KCNQ2: variants seen among roughly 807,000 people sequenced by gnomAD.
KCNQ2 encodes potassium voltage-gated channel subfamily KQT member 2.
KCNQ2 carries 14 observed loss-of-function variants against 84.8 expected under a neutral mutation model. The ratio of observed to expected loss-of-function variants is 0.17; its 90% CI spans 0.11 to 0.26. The LOEUF is 0.26. Ranked by LOEUF, KCNQ2 falls within the 10% of genes least tolerant of loss-of-function variation. The probability of loss-of-function intolerance (pLI) is 1.00; values close to 1 mark genes in which losing one functional copy is unlikely to be tolerated. For synonymous variants in KCNQ2, 599 were observed against 554.1 expected, an observed-to-expected ratio of 1.08 and a Z score of -1.14; for missense variants, 788 against 1,254.0, an observed-to-expected ratio of 0.63 and a Z score of 5.61.
intron 1 of KCNQ2, among the ~76,000 whole-genome samples, chr20:63,455,572 G>C (rs1203322621): frequency 6.6e-6 from 1 of 152,146 alleles, no homozygotes; most frequent in Non-Finnish European, 1.5e-5. Flanking sequence ...TGGGACCCAA[G>C]TGCAAAGAGG....
chr20:63,428,967 C>T (rs1382401903), intron 9 of KCNQ2, among the ~76,000 whole-genome samples: 1 of 152,070 alleles, frequency 6.6e-6, no homozygotes, highest in Non-Finnish European at 1.5e-5. Context: ...CCTCATCAGG[C>T]CCAGATGCCT....
At chr20:63,433,504 G>A (rs2080892478) in intron 8 of KCNQ2, 1 of 582,768 alleles carries the variant, frequency 1.7e-6, no homozygotes, top group South Asian at 2.1e-5. Context: ...GCAGCCCGGG[G>A]CGGGGGGCAT....
chr20:63,446,944 C>T lies in KCNQ2; in HGVS notation c.297-107G>A. ...TCCCCACCAGGCCGCAGCAGGGCAC[C>T]AGCATGGCCGCGTCTCCAGAACGCA... is the stretch of plus-strand genomic sequence containing the variant. On this transcript the variant is annotated intron_variant, in intron 1 of 16. Transcript: ENST00000359125. The surrounding 1 kb of genome is among the most constrained non-coding windows in gnomAD (Gnocchi z 5.5). The T allele has an allele frequency of 1.0e-6, 1 of 995,440 alleles. No homozygotes were observed. Among genetic ancestry groups the T allele is most frequent in the East Asian group, 2.4e-5 (1 of 41,636 alleles). The allele number at this position is 995,440 out of a possible 1,614,324, so 61.7% of individuals were successfully genotyped here. A position where few individuals can be genotyped will look rare whatever the true frequency, so the allele number is the denominator to read the frequency against.
rs528228832 is a variant in KCNQ2, at chr20:63,469,477, G to T, written c.296+2691C>A. 2.1e-4 allele frequency among the ~76,000 whole-genome samples: 32 copies of T among 152,336 alleles called. No homozygotes were observed. The South Asian group carries it at 5.8e-3, about 28-fold the overall frequency. On this transcript the variant is annotated intron_variant, in intron 1 of 16. Transcript: ENST00000359125. Reference sequence around the variant, plus strand: ...ACCTCCCCAGAGCGGGGGCAGCAGGGGCCTGGCCTGACGCCCACCAAGCCC... The same window carrying T: ...ACCTCCCCAGAGCGGGGGCAGCAGGTGCCTGGCCTGACGCCCACCAAGCCC...
rs150925464 is a variant in KCNQ2 at position 63,414,822 on chromosome 20, G to A, written c.1525+81C>T. ...AAGAGCAAGCAAAAGCAGCTGCGAC[G>A]CCACAGGGTGGCCACAGTAGCGTGG... On this transcript the variant is annotated intron_variant, in intron 13 of 16. Transcript: ENST00000359125. The surrounding 1 kb of genome is among the most constrained non-coding windows in gnomAD (Gnocchi z 6.6). The A allele has an allele frequency of 2.7e-4, 376 of 1,400,596 alleles. 3 individuals carry two copies. The African/African-American group carries it at 4.5e-3, about 17-fold the overall frequency. The allele number at this position is 1,400,596 out of a possible 1,614,324, so 86.8% of individuals were successfully genotyped here.
chr20:63,468,563 G>A (rs552964870), intron 1 of KCNQ2, among the ~76,000 whole-genome samples: 1 of 152,348 alleles, frequency 6.6e-6, no homozygotes, highest in East Asian at 1.9e-4. Flanking sequence ...GAGGGGAAGC[G>A]CCTGGGCCCC....
At chr20:63,470,014 G>GC (rs2082173654) in intron 1 of KCNQ2, among the ~76,000 whole-genome samples, 1 of 152,236 alleles carries the variant, frequency 6.6e-6, no homozygotes, top group Non-Finnish European at 1.5e-5. Context: ...CAGCAGTGGT[G>GC]TTCACAAAGC....
intron 10 of KCNQ2, among the ~76,000 whole-genome samples, chr20:63,426,850 G>T (rs2080648870): frequency 6.6e-6 from 1 of 152,114 alleles, no homozygotes; most frequent in East Asian, 1.9e-4. Flanking sequence ...GTTTCTTCCA[G>T]CCTGCACCTC....
chr20:63,401,990 C>G lies in KCNQ2; in HGVS notation c.*4654G>C, dbSNP rs538750790. The G allele has an allele frequency of 5.6e-6, 1 of 178,792 alleles. No homozygotes were observed. Among genetic ancestry groups the G allele is most frequent in the African/African-American group, 2.5e-5 (1 of 40,524 alleles). The allele number at this position is 178,792 out of a possible 1,614,324, so 11.1% of individuals were successfully genotyped here. Reference sequence around the variant, plus strand: ...GGTCCAAGCCTCATGAGCCATCTCTCTCCCACCACATCTGCCGGGCACCCT... The same window carrying G: ...GGTCCAAGCCTCATGAGCCATCTCTGTCCCACCACATCTGCCGGGCACCCT... On this transcript the variant is annotated 3_prime_UTR_variant, in exon 17 of 17. Coordinates refer to ENST00000359125, the MANE Select transcript of KCNQ2 (RefSeq NM_172107.4).
chr20:63,436,517 C>T (rs1405111227), intron 7 of KCNQ2, among the ~76,000 whole-genome samples: 6 of 149,386 alleles, frequency 4.0e-5, no homozygotes, highest in Non-Finnish European at 5.9e-5. Context: ...GGCAACAGAG[C>T]GAGACTCCGT....
chr20:63,418,835 C>T (rs12479598), intron 12 of KCNQ2, among the ~76,000 whole-genome samples: 3,837 of 151,960 alleles, frequency 0.025, 136 homozygotes, highest in Admixed American at 0.095. Context: ...GGGTCCGAAG[C>T]ATGCACGGAT....
At chr20:63,432,377 C>T (rs1179899946) in intron 8 of KCNQ2, among the ~76,000 whole-genome samples, 2 of 147,182 alleles carry the variant, frequency 1.4e-5, no homozygotes, top group Non-Finnish European at 3.0e-5. Context: ...GCTCCACCCT[C>T]TGGGAAGGCC....
chr20:63,413,072 T>C (rs1446994753), intron 15 of KCNQ2, among the ~76,000 whole-genome samples: 1 of 152,058 alleles, frequency 6.6e-6, no homozygotes, highest in Non-Finnish European at 1.5e-5. Flanking sequence ...CACACATGTA[T>C]GCACCCCACA....
intron 1 of KCNQ2, among the ~76,000 whole-genome samples, chr20:63,461,230 G>A (rs2081938704): frequency 6.6e-6 from 1 of 152,202 alleles, no homozygotes; most frequent in Admixed American, 6.5e-5. Flanking sequence ...CTGTCCACCC[G>A]CCGCTCAGGC....
rs1226015139 is a variant in KCNQ2 at position 63,442,548 on chromosome 20, A to G, written c.691-17T>C. ...GACCAGCTCCTGAGAGGCAGACGGCACCACCATCATGACCACCATCACCAG... is the reference window on the plus strand; with the variant it reads ...GACCAGCTCCTGAGAGGCAGACGGCGCCACCATCATGACCACCATCACCAG... On this transcript the variant is annotated splice_polypyrimidine_tract_variant and intron_variant, in intron 4 of 16. Transcript: ENST00000359125. 1 of 1,612,542 alleles carries G rather than the reference A, an allele frequency of 6.2e-7. No homozygotes were observed. Among genetic ancestry groups the G allele is most frequent in the Non-Finnish European group, 8.5e-7 (1 of 1,179,740 alleles).
intron 7 of KCNQ2, among the ~76,000 whole-genome samples, chr20:63,435,392 AC>A (rs745908864): frequency 0.084 from 11,624 of 137,588 alleles, 839 homozygotes; most frequent in East Asian, 0.15. Context: ...TATCTCAACA[AC>A]AACAAAAAAA....
At chr20:63,465,431 GCCT>G (rs2082055049) in intron 1 of KCNQ2, among the ~76,000 whole-genome samples, 1 of 152,176 alleles carries the variant, frequency 6.6e-6, no homozygotes, top group Non-Finnish European at 1.5e-5. Flanking sequence ...CAAGGACAGA[GCCT>G]CCTCCTGCAG....
chr20:63,407,355 C>T lies in KCNQ2; in HGVS notation c.1908G>A (p.Lys636=), dbSNP rs1319833450. 6 of 1,597,794 alleles carry T rather than the reference C, an allele frequency of 3.8e-6. No individual in the cohort carries two copies. Among genetic ancestry groups the T allele is most frequent in the Non-Finnish European group, 4.2e-6 (5 of 1,179,504 alleles). Residue 636 remains lysine (K), a synonymous_variant, in exon 17 of 17, where the codon AAG becomes AAA. Transcript: ENST00000359125. This position sits in a 1 kb window ranked among gnomAD's most constrained non-coding sequence, Gnocchi z 7.2. ...TGTAGATATTCACCAGGAAGTCCAG[C>T]TTCTTCTCCATGGACAAGACCTGCA... ...VEKQVLSMEK[K]LDFLVNIYMQ...
chr20:63,411,990 G>A (rs750037542), intron 15 of KCNQ2: 8 of 646,338 alleles, frequency 1.2e-5, no homozygotes, highest in Admixed American at 5.0e-5. Flanking sequence ...GGGAGGCTCC[G>A]TCGAAACAGG....
Sources: allele counts gnomAD v4.1 joint callset (sites outside exome capture counted in the v4.1 genomes callset), GRCh38; gene constraint gnomAD v4.1.1; non-coding constraint Gnocchi (gnomAD v3.1); transcripts MANE v1.5; gene names NCBI Gene and HGNC (gene_info 2026-07-23, HGNC 2026-07-21).